The following IQCJ variants were observed in gnomAD, a reference collection of about 807,000 sequenced individuals.
IQCJ encodes IQ motif containing J, also known as IQ domain-containing protein J.
Under a neutral mutation model 11.0 loss-of-function variants are expected in IQCJ, and 9 were observed. The observed-to-expected ratio is 0.82, with a 90% CI of 0.49 to 1.43. The LOEUF (loss-of-function observed/expected upper bound fraction) is 1.43, where lower values mean the gene tolerates loss of function less well. Among genes scored for constraint, IQCJ ranks in the 40% most tolerant of loss-of-function variants. The pLI is 0.00. For missense variants in IQCJ, 146 were observed against 133.2 expected (o/e 1.10, Z -0.47); for synonymous variants, 55 against 51.3 (o/e 1.07, Z -0.31).
chr3:159,167,935 G>A (rs1311744575), intron 1 of IQCJ, among the ~76,000 whole-genome samples: 1 of 152,208 alleles, frequency 6.6e-6, no homozygotes, highest in African/African-American at 2.4e-5. Flanking sequence ...CTTCTTTTCA[G>A]AGAAGTTTTG....
chr3:159,088,149 T>G (rs2108073505), intron 1 of IQCJ, among the ~76,000 whole-genome samples: 1 of 152,330 alleles, frequency 6.6e-6, no homozygotes, highest in Non-Finnish European at 1.5e-5. Flanking sequence ...AAAGAACATC[T>G]TTATTTCTGC....
rs897948860 is a variant in IQCJ, at chr3:159,191,418, A to G, written c.10-54425A>G. On this transcript the variant is annotated intron_variant, in intron 1 of 3. Coordinates refer to ENST00000397832, the MANE Select transcript of IQCJ (RefSeq NM_001042706.3). ...AGGATTTGGGGGACAGAAATGGTAT[A>G]TCTCATTAGACACCATCTGAAATTC... 5.9e-5 allele frequency among the ~76,000 whole-genome samples: 9 copies of G among 152,192 alleles called. 1 individual carries two copies. The highest frequency in any genetic ancestry group is 5.9e-4 in the Admixed American group (9 of 15,284).
chr3:159,122,077 C>T lies in IQCJ; in HGVS notation c.9+52636C>T, dbSNP rs1485135898. ...GCATGGTTGGGTTCTGGTGAGGACT[C>T]TCTTCTGGGTTGGGCAGGCTTCCAA... On this transcript the variant is annotated intron_variant, in intron 1 of 3. Coordinates refer to ENST00000397832, the MANE Select transcript of IQCJ (RefSeq NM_001042706.3). 4.6e-5 allele frequency among the ~76,000 whole-genome samples: 7 copies of T among 152,146 alleles called. No homozygotes were observed. The South Asian group carries it at 1.0e-3, about 23-fold the overall frequency.
At chr3:159,253,432 A>G (rs1156700237) in intron 3 of IQCJ, among the ~76,000 whole-genome samples, 1 of 152,162 alleles carries the variant, frequency 6.6e-6, no homozygotes, top group Non-Finnish European at 1.5e-5. Context: ...CAAAATATTA[A>G]CCTTCTAAAA....
chr3:159,102,986 C>T lies in IQCJ; in HGVS notation c.9+33545C>T, dbSNP rs563568078. Among the ~76,000 whole-genome samples the T allele has an allele frequency of 2.6e-5, 4 of 152,316 alleles. No individual in the cohort carries two copies. The South Asian group carries it at 8.3e-4, about 32-fold the overall frequency. On this transcript the variant is annotated intron_variant, in intron 1 of 3. Coordinates refer to ENST00000397832, the MANE Select transcript of IQCJ (RefSeq NM_001042706.3). Reference sequence around the variant, plus strand: ...TGCCATTTCCACAGGCCTTCCTCTACACATTTTTGCTTCAAATCAAAGTGC... The same window carrying T: ...TGCCATTTCCACAGGCCTTCCTCTATACATTTTTGCTTCAAATCAAAGTGC...
In IQCJ at chr3:159,246,002, A is replaced by G. The variant is rs185769520; in HGVS notation, c.74+95A>G. 248 of 957,924 alleles carry G rather than the reference A, an allele frequency of 2.6e-4. No individual in the cohort carries two copies. In the African/African-American group the frequency reaches 3.7e-3, roughly 14 times the overall value. The allele number at this position is 957,924 out of a possible 1,614,324, so 59.3% of individuals were successfully genotyped here. On this transcript the variant is annotated intron_variant, in intron 2 of 3. Coordinates refer to ENST00000397832, the MANE Select transcript of IQCJ (RefSeq NM_001042706.3). ...GTAAAAATAAGTAAGTAAATTGGAC[A>G]GTTTCTTATGTTATCATTGTGGTCA...
chr3:159,227,224 A>G (rs74914577), intron 1 of IQCJ, among the ~76,000 whole-genome samples: 5,049 of 152,290 alleles, frequency 0.033, 259 homozygotes, highest in African/African-American at 0.12. Context: ...GTTTTTAAAG[A>G]TATCAGGAAA....
chr3:159,191,448 C>T (rs555504397), intron 1 of IQCJ, among the ~76,000 whole-genome samples: 60 of 152,250 alleles, frequency 3.9e-4, no homozygotes, highest in African/African-American at 1.3e-3. Flanking sequence ...AAATTCATTG[C>T]TCAGTTTTGA....
intron 1 of IQCJ, among the ~76,000 whole-genome samples, chr3:159,227,207 A>G (rs906874672): frequency 1.6e-4 from 24 of 152,180 alleles, no homozygotes; most frequent in Non-Finnish European, 3.4e-4. Flanking sequence ...TCACCATGAG[A>G]ATGCATGTTT....
intron 1 of IQCJ, among the ~76,000 whole-genome samples, chr3:159,158,534 G>A (rs1721662151): frequency 6.6e-6 from 1 of 152,196 alleles, no homozygotes; most frequent in Non-Finnish European, 1.5e-5. Context: ...CCAGCATTAT[G>A]ATTAGTACAA....
chr3:159,237,176 G>A (rs1284102727), intron 1 of IQCJ, among the ~76,000 whole-genome samples: 3 of 152,142 alleles, frequency 2.0e-5, no homozygotes. Flanking sequence ...GTGAACAAGT[G>A]TACTTTAGAG....
Position 159,148,221 on chromosome 3 carries a change from A to G in IQCJ, c.9+78780A>G, listed in dbSNP as rs377033668. 3.4e-4 allele frequency among the ~76,000 whole-genome samples: 52 copies of G among 152,274 alleles called. No individual in the cohort carries two copies. In the South Asian group the frequency reaches 6.2e-3, roughly 18 times the overall value. Reference sequence around the variant, plus strand: ...TTAACTAATCGTGTTTTCCTCTTTAATTTTGGCTGCTAGGAATCTCACAGC... The same window carrying G: ...TTAACTAATCGTGTTTTCCTCTTTAGTTTTGGCTGCTAGGAATCTCACAGC... On this transcript the variant is annotated intron_variant, in intron 1 of 3. Coordinates refer to ENST00000397832, the MANE Select transcript of IQCJ (RefSeq NM_001042706.3).
At chr3:159,085,125 T>A (rs913134487) in intron 1 of IQCJ, among the ~76,000 whole-genome samples, 1 of 151,146 alleles carries the variant, frequency 6.6e-6, no homozygotes, top group Non-Finnish European at 1.5e-5. Context: ...TGTCCATGTG[T>A]TCTCATTGTT....
Position 159,262,779 on chromosome 3 carries a change from T to A in IQCJ, c.*48T>A, listed in dbSNP as rs1230289204. ...AGAGAAATCTTGGGATGTGAGCAGG[T>A]GGTTTGTGACAGTGAAGATCTATGT... is the stretch of plus-strand genomic sequence containing the variant. On this transcript the variant is annotated 3_prime_UTR_variant, in exon 4 of 4. Transcript: ENST00000397832. 1.3e-6 allele frequency: 2 copies of A among 1,585,144 alleles called. No individual in the cohort carries two copies. The highest frequency in any genetic ancestry group is 2.7e-5 in the African/African-American group (2 of 74,192).
At chr3:159,231,155 A>G (rs943921454) in intron 1 of IQCJ, among the ~76,000 whole-genome samples, 4 of 152,198 alleles carry the variant, frequency 2.6e-5, no homozygotes, top group Non-Finnish European at 4.4e-5. Context: ...TGCTCCCAAC[A>G]TTTAGGCTAT....
intron 1 of IQCJ, among the ~76,000 whole-genome samples, chr3:159,173,159 C>T (rs1268543309): frequency 6.6e-6 from 1 of 152,162 alleles, no homozygotes; most frequent in East Asian, 1.9e-4. Context: ...TAGGAGTAGA[C>T]CGTGAGCAGA....
At chr3:159,071,702 A>G (rs1715573554) in intron 1 of IQCJ, among the ~76,000 whole-genome samples, 1 of 152,064 alleles carries the variant, frequency 6.6e-6, no homozygotes, top group Non-Finnish European at 1.5e-5. Context: ...TTTGTAGTGA[A>G]TATCATATGT....
chr3:159,179,246 G>C (rs1269014185), intron 1 of IQCJ, among the ~76,000 whole-genome samples: 2 of 152,134 alleles, frequency 1.3e-5, no homozygotes, highest in Non-Finnish European at 2.9e-5. Context: ...CTGGTCTTCT[G>C]TGTTTAAGAG....
intron 1 of IQCJ, among the ~76,000 whole-genome samples, chr3:159,177,110 G>C (rs922614398): frequency 2.0e-5 from 3 of 152,166 alleles, no homozygotes; most frequent in Admixed American, 6.5e-5. Context: ...GAGGCTTTGG[G>C]CTAGAAAATC....
Sources: allele counts gnomAD v4.1 joint callset (sites outside exome capture counted in the v4.1 genomes callset), GRCh38; gene constraint gnomAD v4.1.1; transcripts MANE v1.5; gene names NCBI Gene and HGNC (gene_info 2026-07-23, HGNC 2026-07-21).